COL23A1: variants seen among roughly 807,000 people sequenced by gnomAD.
The protein encoded by COL23A1 is collagen alpha-1(XXIII) chain.
Under a neutral mutation model 99.3 loss-of-function variants are expected in COL23A1, and 97 were observed. That is an observed-to-expected ratio of 0.98 (90% CI 0.83 to 1.16). The LOEUF (loss-of-function observed/expected upper bound fraction) is 1.16, where lower values mean the gene tolerates loss of function less well. Among genes scored for constraint, COL23A1 ranks in the 50% most tolerant of loss-of-function variants. The pLI is 0.00. For missense variants in COL23A1, 762 were observed against 757.4 expected (o/e 1.01, Z -0.07); for synonymous variants, 320 against 308.2 (o/e 1.04, Z -0.40).
Position 178,515,926 on chromosome 5 carries a change from G to T in COL23A1, c.361+44756C>A, listed in dbSNP as rs117282220. Reference sequence around the variant, plus strand: ...CCCGGTCCAGTGCTCGGGGTCACCCGGGCCTTCGCCACCCTGCCAGACGCC... The same window carrying T: ...CCCGGTCCAGTGCTCGGGGTCACCCTGGCCTTCGCCACCCTGCCAGACGCC... On this transcript the variant is annotated intron_variant, in intron 2 of 28. Transcript: ENST00000390654. Among the ~76,000 whole-genome samples, 197 of 152,066 alleles carry T rather than the reference G, an allele frequency of 1.3e-3. 2 individuals are homozygous for T. In the East Asian group the frequency reaches 0.036, roughly 28 times the overall value.
intron 2 of COL23A1, among the ~76,000 whole-genome samples, chr5:178,536,734 A>G (rs532446299): frequency 6.6e-6 from 1 of 152,022 alleles, no homozygotes; most frequent in South Asian, 2.1e-4. Flanking sequence ...AGCGATGATG[A>G]CCCTACAGAG....
intron 2 of COL23A1, among the ~76,000 whole-genome samples, chr5:178,368,854 C>A (rs1056450703): frequency 3.3e-5 from 5 of 152,384 alleles, no homozygotes; most frequent in Non-Finnish European, 7.3e-5. Flanking sequence ...CTTTCCCCCT[C>A]CTGACTGATT....
In COL23A1 at chr5:178,415,120, C is replaced by T. The variant is rs999578885; in HGVS notation, c.362-108201G>A. ...CCCGGAATATGTGAGTGCTGGTTCT[C>T]TCTGCCCCAGTGAGCTGGGCTGCTT... On this transcript the variant is annotated intron_variant, in intron 2 of 28. Transcript: ENST00000390654. The surrounding 1 kb of genome is among the most constrained non-coding windows in gnomAD (Gnocchi z 4.6). Among the ~76,000 whole-genome samples the T allele has an allele frequency of 5.0e-5, 7 of 140,908 alleles. No homozygotes were observed. The highest frequency in any genetic ancestry group is 1.6e-4 in the African/African-American group (6 of 36,530). 92.4% of individuals were successfully genotyped at this position (140,908 alleles called of 152,430 possible).
chr5:178,253,310 TC>T (rs1200352479), intron 16 of COL23A1, among the ~76,000 whole-genome samples: 3 of 147,448 alleles, frequency 2.0e-5, no homozygotes, highest in African/African-American at 7.5e-5. Context: ...CCTGTGCCCT[TC>T]TTGTTGGTGT....
At position 178,310,460 on chromosome 5, in the gene COL23A1, G is replaced by A. The variant is rs1334816791; in HGVS notation, c.362-3541C>T. ...GCCCCGCAGGCTCACCTTCTGCCTC[G>A]CCAGTCCTCTGAAGAAGGTGCTAGT... On this transcript the variant is annotated intron_variant, in intron 2 of 28. Coordinates refer to ENST00000390654, the MANE Select transcript of COL23A1 (RefSeq NM_173465.4). The surrounding 1 kb of genome is among the most constrained non-coding windows in gnomAD (Gnocchi z 4.3). Among the ~76,000 whole-genome samples, 24 of 152,170 alleles carry A rather than the reference G, an allele frequency of 1.6e-4. No homozygotes were observed. Among genetic ancestry groups the A allele is most frequent in the Non-Finnish European group, 4.4e-5 (3 of 68,020 alleles).
intron 2 of COL23A1, among the ~76,000 whole-genome samples, chr5:178,503,211 C>T (rs2647696): frequency 0.78 from 118,037 of 152,096 alleles, 46,073 homozygotes; most frequent in East Asian, 0.95. Flanking sequence ...TGAAACTCCA[C>T]GTCTGCTAAA....
chr5:178,581,947 C>T (rs1251010180), intron 1 of COL23A1, among the ~76,000 whole-genome samples: 1 of 152,056 alleles, frequency 6.6e-6, no homozygotes, highest in Non-Finnish European at 1.5e-5. Context: ...AAGGATTGCG[C>T]AGAAAGTTAA....
rs1288485909 is a variant in COL23A1 at position 178,572,067 on chromosome 5, C to CAAAAAAAAAAAA, written c.295-11320_295-11319insTTTTTTTTTTTT. On this transcript the variant is annotated intron_variant, in intron 1 of 28. Transcript: ENST00000390654. Reference sequence around the variant, plus strand: ...TGGGTGACAGAGCGAGACTCTTTCTCAAAACAAAAAAAAAAAAGACCTAAA... The same window carrying CAAAAAAAAAAAA: ...TGGGTGACAGAGCGAGACTCTTTCTCAAAAAAAAAAAAAAAACAAAAAAAAAAAAGACCTAAA... Among the ~76,000 whole-genome samples, 40 of 54,286 alleles carry CAAAAAAAAAAAA rather than the reference C, an allele frequency of 7.4e-4. 1 individual carries two copies. Among genetic ancestry groups the CAAAAAAAAAAAA allele is most frequent in the African/African-American group, 4.5e-3 (30 of 6,652 alleles). 35.6% of individuals were successfully genotyped at this position (54,286 alleles called of 152,430 possible). A position where few individuals can be genotyped will look rare whatever the true frequency, so the allele number is the denominator to read the frequency against.
intron 1 of COL23A1, among the ~76,000 whole-genome samples, chr5:178,587,120 G>A (rs1313251895): frequency 6.6e-6 from 1 of 152,142 alleles, no homozygotes; most frequent in African/African-American, 2.4e-5. Context: ...TTATAACATT[G>A]TAACTATAGG....
intron 2 of COL23A1, among the ~76,000 whole-genome samples, chr5:178,471,893 G>A (rs972356344): frequency 5.3e-5 from 8 of 152,048 alleles, no homozygotes; most frequent in South Asian, 2.1e-4. Flanking sequence ...GACTGACTCC[G>A]GTGCTTCCCC....
intron 2 of COL23A1, among the ~76,000 whole-genome samples, chr5:178,537,669 A>T (rs977259240): frequency 6.6e-6 from 1 of 152,234 alleles, no homozygotes; most frequent in African/African-American, 2.4e-5. Flanking sequence ...ATCCAGCCAC[A>T]GGGCAAGGCC....
intron 2 of COL23A1, among the ~76,000 whole-genome samples, chr5:178,517,371 C>T (rs1050105957): frequency 7.2e-5 from 11 of 152,128 alleles, no homozygotes; most frequent in Admixed American, 4.6e-4. Flanking sequence ...CCCCTGAGAT[C>T]TGTCTATACA....
rs1460385119 is a variant in COL23A1 at position 178,255,466 on chromosome 5, T to G, written c.883-440A>C. 1.3e-5 allele frequency among the ~76,000 whole-genome samples: 2 copies of G among 151,486 alleles called. No individual in the cohort carries two copies. Among genetic ancestry groups the G allele is most frequent in the African/African-American group, 4.9e-5 (2 of 41,096 alleles). On this transcript the variant is annotated intron_variant, in intron 15 of 28. Transcript: ENST00000390654. The surrounding 1 kb of genome is among the most constrained non-coding windows in gnomAD (Gnocchi z 4.2). ...TGCACACGCCAAGCACCCACACGCCTATTCCCGCCTGGTTACAGGTGCATG... is the reference window on the plus strand; with the variant it reads ...TGCACACGCCAAGCACCCACACGCCGATTCCCGCCTGGTTACAGGTGCATG...
chr5:178,261,154 T>C (rs1765605032), intron 11 of COL23A1, among the ~76,000 whole-genome samples: 1 of 152,192 alleles, frequency 6.6e-6, no homozygotes, highest in Admixed American at 6.5e-5. Context: ...GGCTTACACC[T>C]GTAATCCCAG....
chr5:178,245,907 C>T lies in COL23A1; in HGVS notation c.1440+35G>A, dbSNP rs768587195. On this transcript the variant is annotated intron_variant, in intron 25 of 28. Transcript: ENST00000390654. ...GAGGGCAGAAGATACACACAAGAGGCACCCAATTACTCAAAGTGATGATAA... is the reference window on the plus strand; with the variant it reads ...GAGGGCAGAAGATACACACAAGAGGTACCCAATTACTCAAAGTGATGATAA... 6 of 1,612,684 alleles carry T rather than the reference C, an allele frequency of 3.7e-6. No individual in the cohort carries two copies. The East Asian group carries it at 8.9e-5, about 24-fold the overall frequency.
intron 2 of COL23A1, among the ~76,000 whole-genome samples, chr5:178,361,611 C>G (rs899581498): frequency 1.3e-5 from 2 of 152,076 alleles, no homozygotes; most frequent in African/African-American, 4.8e-5. Flanking sequence ...CCCTACAGGA[C>G]TCATGTTTTC....
At chr5:178,575,818 C>T (rs775769636) in intron 1 of COL23A1, among the ~76,000 whole-genome samples, 1 of 152,178 alleles carries the variant, frequency 6.6e-6, no homozygotes, top group African/African-American at 2.4e-5. Context: ...AGGAAGGAAG[C>T]GGAGACCAGG....
At chr5:178,274,649 G>A (rs1045660792) in intron 5 of COL23A1, among the ~76,000 whole-genome samples, 1 of 152,110 alleles carries the variant, frequency 6.6e-6, no homozygotes, top group Non-Finnish European at 1.5e-5. Context: ...CAGCTGCCCC[G>A]TTCCTCTCCC....
intron 2 of COL23A1, among the ~76,000 whole-genome samples, chr5:178,507,574 G>A (rs1291922267): frequency 6.6e-6 from 1 of 152,194 alleles, no homozygotes; most frequent in African/African-American, 2.4e-5. Context: ...TCTTTCATCT[G>A]AGAATCTTGA....
Sources: gnomAD v4.1 joint callset for allele counts (sites outside exome capture counted in the v4.1 genomes callset) on GRCh38, gnomAD v4.1.1 for gene constraint, Gnocchi (gnomAD v3.1) non-coding constraint, MANE v1.5 for transcripts, NCBI Gene and HGNC (gene_info 2026-07-23, HGNC 2026-07-21) for gene names.